Variants in GATAD2B observed in about 807,000 individuals in gnomAD.
GATAD2B encodes the protein GATA zinc finger domain containing 2B.
Under a neutral mutation model 64.3 loss-of-function variants are expected in GATAD2B, and 8 were observed. That is an observed-to-expected ratio of 0.12 (90% CI 0.07 to 0.22). The LOEUF (loss-of-function observed/expected upper bound fraction) is 0.22. GATAD2B is among the 10% of genes least tolerant of loss of function. The pLI, the probability that GATAD2B is intolerant of heterozygous loss-of-function variation, is 1.00. For synonymous variants in GATAD2B, 281 were observed against 271.3 expected, an observed-to-expected ratio of 1.04 and a Z score of -0.35; for missense variants, 453 against 752.0, an observed-to-expected ratio of 0.60 and a Z score of 4.65.
intron 4 of GATAD2B, 60 bp downstream of exon 4, chr1:153,818,731 C>A: frequency 6.5e-7 from 1 of 1,534,502 alleles, no homozygotes. Flanking sequence ...CTGGGGGAAC[C>A]TACTCTCAAA....
intron 10 of GATAD2B, chr1:153,811,485 G>T: frequency 1.8e-6 from 1 of 551,782 alleles, no homozygotes; most frequent in Admixed American, 3.7e-5. Context: ...TCTACTGAAG[G>T]GATATTAAAA....
At chr1:153,880,147 T>TA (rs1216380285) in intron 1 of GATAD2B, among the ~76,000 whole-genome samples, 1 of 151,624 alleles carries the variant, frequency 6.6e-6, no homozygotes, top group African/African-American at 2.4e-5. Context: ...CCCACCCCTG[T>TA]ACCCTTGGCA....
chr1:153,815,286 AAAAAAAC>A (rs1674434186), intron 7 of GATAD2B, among the ~76,000 whole-genome samples: 1 of 145,538 alleles, frequency 6.9e-6, no homozygotes, highest in Non-Finnish European at 1.5e-5. Flanking sequence ...AAAACAAAAA[AAAAAAAC>A]AAAAAAAAAA....
intron 1 of GATAD2B, among the ~76,000 whole-genome samples, chr1:153,895,750 GTTTCTC>G (rs1677569602): frequency 6.6e-6 from 1 of 152,114 alleles, no homozygotes; most frequent in Admixed American, 6.6e-5. Context: ...TCAGTTACCT[GTTTCTC>G]TTTATCTACA....
At chr1:153,880,486 A>G (rs1676977501) in intron 1 of GATAD2B, among the ~76,000 whole-genome samples, 1 of 151,656 alleles carries the variant, frequency 6.6e-6, no homozygotes, top group Admixed American at 6.6e-5. Flanking sequence ...AAAACAAAAA[A>G]CAAAAAAGCC....
At chr1:153,833,523 T>G (rs1675148881) in intron 1 of GATAD2B, among the ~76,000 whole-genome samples, 1 of 152,120 alleles carries the variant, frequency 6.6e-6, no homozygotes, top group Non-Finnish European at 1.5e-5. Flanking sequence ...TCTTACTATG[T>G]AAGAAATATT....
At chr1:153,858,084 GA>G (rs1286994134) in intron 1 of GATAD2B, among the ~76,000 whole-genome samples, 2 of 152,222 alleles carry the variant, frequency 1.3e-5, no homozygotes, top group Non-Finnish European at 2.9e-5. Flanking sequence ...CTGACTTCAA[GA>G]ATAGGATCAA....
chr1:153,825,138 T>C (rs1570935358), intron 2 of GATAD2B, among the ~76,000 whole-genome samples: 2 of 152,180 alleles, frequency 1.3e-5, no homozygotes, highest in East Asian at 3.9e-4. Flanking sequence ...AAGTTCCAAT[T>C]TGGAATGTGA....
chr1:153,918,138 A>G (rs1255007656), intron 1 of GATAD2B, among the ~76,000 whole-genome samples: 1 of 152,226 alleles, frequency 6.6e-6, no homozygotes, highest in African/African-American at 2.4e-5. Context: ...GGAAGATGAC[A>G]GCCGATCAAA....
At chr1:153,829,109 G>A (rs1398923491) in intron 1 of GATAD2B, among the ~76,000 whole-genome samples, 1 of 152,108 alleles carries the variant, frequency 6.6e-6, no homozygotes, top group Non-Finnish European at 1.5e-5. Flanking sequence ...GGAGGCTAAG[G>A]TGGGAGGATT....
chr1:153,914,287 T>A (rs1432951459), intron 1 of GATAD2B, among the ~76,000 whole-genome samples: 7 of 137,306 alleles, frequency 5.1e-5, no homozygotes, highest in African/African-American at 1.9e-4. Context: ...TGTAAACACA[T>A]AATGATTAAA....
chr1:153,833,960 A>G (rs1368767277), intron 1 of GATAD2B, among the ~76,000 whole-genome samples: 1 of 151,816 alleles, frequency 6.6e-6, no homozygotes, highest in African/African-American at 2.4e-5. Flanking sequence ...GCAACACAGT[A>G]AGACCCTGTC....
intron 1 of GATAD2B, among the ~76,000 whole-genome samples, chr1:153,872,480 A>G (rs992170446): frequency 1.3e-5 from 2 of 151,898 alleles, no homozygotes; most frequent in African/African-American, 4.8e-5. Flanking sequence ...GTCACATAAT[A>G]TATTGGTCAT....
At chr1:153,891,574 TA>T (rs1163572311) in intron 1 of GATAD2B, among the ~76,000 whole-genome samples, 5 of 19,944 alleles carry the variant, frequency 2.5e-4, no homozygotes, top group African/African-American at 9.5e-4. Flanking sequence ...CTGTCTCGTT[TA>T]AAAAAAAAAA....
intron 1 of GATAD2B, among the ~76,000 whole-genome samples, chr1:153,888,123 A>G (rs1677241027): frequency 6.6e-6 from 1 of 152,052 alleles, no homozygotes; most frequent in Non-Finnish European, 1.5e-5. Flanking sequence ...ACACTACTCA[A>G]TGACTTAATC....
intron 1 of GATAD2B, among the ~76,000 whole-genome samples, chr1:153,912,735 C>T (rs1470371777): frequency 6.6e-6 from 1 of 152,166 alleles, no homozygotes; most frequent in Non-Finnish European, 1.5e-5. Flanking sequence ...TAAAATTTCA[C>T]ACTGCTAGAT....
chr1:153,878,912 G>C (rs999526654), intron 1 of GATAD2B, among the ~76,000 whole-genome samples: 17 of 150,920 alleles, frequency 1.1e-4, no homozygotes, highest in African/African-American at 4.1e-4. Context: ...CGAGTAGTTG[G>C]GATTACAGGT....
At chr1:153,865,332 G>A (rs887346257) in intron 1 of GATAD2B, among the ~76,000 whole-genome samples, 10 of 151,944 alleles carry the variant, frequency 6.6e-5, no homozygotes, top group African/African-American at 9.7e-5. Flanking sequence ...GTGGTAGCAC[G>A]TGCCTGTAGT....
rs200353950 is a variant in GATAD2B at position 153,905,768 on chromosome 1, C to CAAAA, written c.-2+16964_-2+16965insTTTT. On this transcript the variant is annotated intron_variant, in intron 1 of 10. Transcript: ENST00000368655. ...GGCAACATAGCAAGAACCAGTCTCT[C>CAAAA]AAACAAAAAAAAAAAAAGCCGGGTG... Among the ~76,000 whole-genome samples the CAAAA allele has an allele frequency of 9.5e-5, 11 of 116,118 alleles. 5 individuals carry two copies. The highest frequency in any genetic ancestry group is 1.2e-4 in the Non-Finnish European group (7 of 57,410). 76.2% of individuals were successfully genotyped at this position (116,118 alleles called of 152,430 possible).
Sources: gnomAD v4.1 joint callset for allele counts (sites outside exome capture counted in the v4.1 genomes callset) on GRCh38, gnomAD v4.1.1 for gene constraint, MANE v1.5 for transcripts, NCBI Gene and HGNC (gene_info 2026-07-23, HGNC 2026-07-21) for gene names.